SCHIP1: variants seen among roughly 807,000 people sequenced by gnomAD.
SCHIP1 encodes schwannomin interacting protein 1.
Under a neutral mutation model 29.7 loss-of-function variants are expected in SCHIP1, and 8 were observed. The ratio of observed to expected loss-of-function variants is 0.27; its 90% CI spans 0.16 to 0.49. The LOEUF (loss-of-function observed/expected upper bound fraction) is 0.49, where lower values mean the gene tolerates loss of function less well. Among genes scored for constraint, SCHIP1 ranks in the 20% least tolerant of loss-of-function variants. The pLI is 0.99. For missense variants in SCHIP1, 193 were observed against 294.6 expected (o/e 0.66, Z 2.52); for synonymous variants, 76 against 94.9 (o/e 0.80, Z 1.16).
At chr3:159,491,140 G>C in the SCHIP1 span, among the ~76,000 whole-genome samples, 1 of 152,180 alleles carries the variant, frequency 6.6e-6, no homozygotes, top group Non-Finnish European at 1.5e-5. Context: ...CAAGATGGCC[G>C]AATAGGAGCA....
the SCHIP1 span, among the ~76,000 whole-genome samples, chr3:159,726,715 G>A: frequency 1.3e-5 from 2 of 152,090 alleles, no homozygotes; most frequent in Non-Finnish European, 2.9e-5. Flanking sequence ...TATAAAATAG[G>A]GCCCCCTGCA....
At chr3:159,679,983 C>G in the SCHIP1 span, among the ~76,000 whole-genome samples, 1 of 152,072 alleles carries the variant, frequency 6.6e-6, no homozygotes, top group East Asian at 1.9e-4. Context: ...CTGCCTTTTC[C>G]GTGAGACTGT....
the SCHIP1 span, among the ~76,000 whole-genome samples, chr3:159,531,993 A>G: frequency 1.1e-3 from 164 of 152,324 alleles, no homozygotes; most frequent in Non-Finnish European, 2.5e-4. Flanking sequence ...TTAGAAACAG[A>G]ACATGTCAAC....
At chr3:159,545,657 G>T in the SCHIP1 span, among the ~76,000 whole-genome samples, 1 of 145,466 alleles carries the variant, frequency 6.9e-6, no homozygotes, top group Non-Finnish European at 1.5e-5. Context: ...ATATATACAA[G>T]ATATATATGT....
chr3:159,516,998 C>T, the SCHIP1 span, among the ~76,000 whole-genome samples: 3 of 152,044 alleles, frequency 2.0e-5, no homozygotes, highest in Non-Finnish European at 4.4e-5. Flanking sequence ...CTGAGCTTTA[C>T]GAATATGTAA....
chr3:159,609,169 G>A, the SCHIP1 span, among the ~76,000 whole-genome samples: 2 of 152,288 alleles, frequency 1.3e-5, no homozygotes, highest in African/African-American at 4.8e-5. Flanking sequence ...TTTTCCAGTG[G>A]AGGGAGGGCA....
the SCHIP1 span, among the ~76,000 whole-genome samples, chr3:159,620,676 C>T: frequency 1.3e-5 from 2 of 152,186 alleles, no homozygotes; most frequent in Non-Finnish European, 2.9e-5. Flanking sequence ...GACTGGGTCC[C>T]ACTCAGTTCT....
chr3:159,588,763 T>A, the SCHIP1 span, among the ~76,000 whole-genome samples: 2 of 152,214 alleles, frequency 1.3e-5, no homozygotes, highest in Non-Finnish European at 2.9e-5. Flanking sequence ...TTGTCAAAGA[T>A]CATATAGTTG....
the SCHIP1 span, among the ~76,000 whole-genome samples, chr3:159,557,443 A>G: frequency 6.6e-6 from 1 of 152,188 alleles, no homozygotes; most frequent in African/African-American, 2.4e-5. Context: ...AAGGACTAGG[A>G]AAAAATGGAA....
chr3:159,423,840 C>T, the SCHIP1 span, among the ~76,000 whole-genome samples: 2 of 151,896 alleles, frequency 1.3e-5, no homozygotes, highest in South Asian at 2.1e-4. Context: ...TTCACACGGC[C>T]GGATACTCCT....
At chr3:159,858,581 TC>T (rs1260320057) in intron 1 of SCHIP1, among the ~76,000 whole-genome samples, 1 of 152,196 alleles carries the variant, frequency 6.6e-6, no homozygotes, top group African/African-American at 2.4e-5. Context: ...GGCAAAACCA[TC>T]CTCACAGTTA....
chr3:159,555,037 TATTA>T, the SCHIP1 span, among the ~76,000 whole-genome samples: 1 of 152,128 alleles, frequency 6.6e-6, no homozygotes, highest in Non-Finnish European at 1.5e-5. Flanking sequence ...CACACACACA[TATTA>T]ATTTTTTAAA....
At chr3:159,290,022 A>C in the SCHIP1 span, among the ~76,000 whole-genome samples, 1 of 152,196 alleles carries the variant, frequency 6.6e-6, no homozygotes, top group Admixed American at 6.5e-5. Context: ...CTAACACCAA[A>C]TATGGGGCAT....
At chr3:159,863,347 A>C (rs1459029900) in intron 1 of SCHIP1, among the ~76,000 whole-genome samples, 1 of 152,032 alleles carries the variant, frequency 6.6e-6, no homozygotes, top group Non-Finnish European at 1.5e-5. Flanking sequence ...TCACCAAAAA[A>C]AAAAAGAGGC....
At chr3:159,316,013 T>C in the SCHIP1 span, among the ~76,000 whole-genome samples, 1 of 152,194 alleles carries the variant, frequency 6.6e-6, no homozygotes, top group East Asian at 1.9e-4. Context: ...TGTAAATATT[T>C]CTTGTCATCC....
the SCHIP1 span, among the ~76,000 whole-genome samples, chr3:159,525,162 C>A: frequency 1.3e-5 from 2 of 152,226 alleles, no homozygotes; most frequent in Non-Finnish European, 2.9e-5. Flanking sequence ...TCCCTGACCC[C>A]CTACTTAAAA....
chr3:159,826,889 A>C, the SCHIP1 span, among the ~76,000 whole-genome samples: 1 of 152,260 alleles, frequency 6.6e-6, no homozygotes. Context: ...ATTAATGTGC[A>C]GATTGATTTT....
chr3:159,872,519 A>C (rs375000002), intron 2 of SCHIP1, among the ~76,000 whole-genome samples: 4 of 152,168 alleles, frequency 2.6e-5, no homozygotes, highest in East Asian at 1.9e-4. Context: ...GGAGACACGG[A>C]TATCTAAACA....
the SCHIP1 span, among the ~76,000 whole-genome samples, chr3:159,593,874 G>A: frequency 2.6e-4 from 39 of 152,338 alleles, no homozygotes; most frequent in African/African-American, 8.7e-4. Context: ...GTAGTGTAGG[G>A]CAAAAGCCCC....
Sources: gnomAD v4.1 joint callset for allele counts (sites outside exome capture counted in the v4.1 genomes callset) on GRCh38, gnomAD v4.1.1 for gene constraint, MANE v1.5 for transcripts, NCBI Gene and HGNC (gene_info 2026-07-23, HGNC 2026-07-21) for gene names.